The following BACH2 variants were observed in gnomAD, a reference collection of about 807,000 sequenced individuals.
BACH2 encodes the protein BACH transcriptional regulator 2.
In BACH2, 5 loss-of-function variants were observed where a neutral mutation model predicts 61.8. That is an observed-to-expected ratio of 0.08 (90% CI 0.04 to 0.17). The LOEUF (loss-of-function observed/expected upper bound fraction) is 0.17, where lower values mean the gene tolerates loss of function less well. Among genes scored for constraint, BACH2 ranks in the 10% least tolerant of loss-of-function variants. The pLI is 1.00. For synonymous variants in BACH2, 446 were observed against 440.1 expected, an observed-to-expected ratio of 1.01 and a Z score of -0.17; for missense variants, 824 against 1,091.1, an observed-to-expected ratio of 0.76 and a Z score of 3.45.
chr6:89,932,615 G>A lies in BACH2; in HGVS notation c.2319C>T (p.Gly773=), dbSNP rs150771521. 2.7e-5 allele frequency: 43 copies of A among 1,613,694 alleles called. No individual in the cohort carries two copies. Among genetic ancestry groups the A allele is most frequent in the Admixed American group, 2.0e-4 (12 of 59,980 alleles). Reference sequence around the variant, plus strand: ...CCCAGGGGGGTCCGGGGGGAGCCGCGCCTGGCTCCAAGCAGCAGGGCACGT... The same window carrying A: ...CCCAGGGGGGTCCGGGGGGAGCCGCACCTGGCTCCAAGCAGCAGGGCACGT... ...GENVPCCLEP[G]AAPPGPPWAP... The change falls in exon 9 of 9, where the codon GGC becomes GGT. Residue 773 remains glycine, a synonymous_variant. Coordinates refer to ENST00000257749, the MANE Select transcript of BACH2 (RefSeq NM_021813.4).
chr6:90,033,856 G>C (rs1562387143), intron 5 of BACH2, among the ~76,000 whole-genome samples: 1 of 152,106 alleles, frequency 6.6e-6, no homozygotes, highest in African/African-American at 2.4e-5. Context: ...AGACATGCTT[G>C]GATTCAGAGC....
chr6:90,169,026 T>A (rs936688749), intron 4 of BACH2, among the ~76,000 whole-genome samples: 1 of 152,220 alleles, frequency 6.6e-6, no homozygotes, highest in Admixed American at 6.5e-5. Context: ...GATGTTTCCC[T>A]TAATGATGGA....
chr6:90,044,753 G>C (rs555827764), intron 5 of BACH2, among the ~76,000 whole-genome samples: 1 of 152,300 alleles, frequency 6.6e-6, no homozygotes, highest in African/African-American at 2.4e-5. Flanking sequence ...TGAGAGAACG[G>C]AAAGAGTTAA....
intron 4 of BACH2, among the ~76,000 whole-genome samples, chr6:90,125,938 C>T (rs1277687925): frequency 6.6e-6 from 1 of 152,200 alleles, no homozygotes; most frequent in Non-Finnish European, 1.5e-5. Context: ...ATCAGTCATC[C>T]TCATTTGCTG....
At chr6:90,049,408 A>G (rs1398180521) in intron 5 of BACH2, among the ~76,000 whole-genome samples, 1 of 152,212 alleles carries the variant, frequency 6.6e-6, no homozygotes, top group Non-Finnish European at 1.5e-5. Flanking sequence ...TGAGATCTCA[A>G]TGACGCGAAG....
intron 3 of BACH2, among the ~76,000 whole-genome samples, chr6:90,211,967 T>C (rs576940413): frequency 5.9e-5 from 9 of 152,194 alleles, no homozygotes; most frequent in Non-Finnish European, 1.2e-4. Context: ...TGAGGGCCTA[T>C]GCCAGGCCCA....
chr6:90,187,156 G>A (rs565030492), intron 4 of BACH2, among the ~76,000 whole-genome samples: 1 of 152,326 alleles, frequency 6.6e-6, no homozygotes, highest in Admixed American at 6.5e-5. Flanking sequence ...TGAGAACACG[G>A]CAATACTGAG....
At chr6:90,011,957 TG>T (rs1430589849) in intron 5 of BACH2, among the ~76,000 whole-genome samples, 1 of 149,298 alleles carries the variant, frequency 6.7e-6, no homozygotes, top group African/African-American at 2.5e-5. Context: ...TGTGTGTGTG[TG>T]TGTGTGTGTG....
chr6:90,156,913 C>T (rs1486144582), intron 4 of BACH2, among the ~76,000 whole-genome samples: 1 of 152,208 alleles, frequency 6.6e-6, no homozygotes, highest in Non-Finnish European at 1.5e-5. Context: ...AAGAACTGTG[C>T]AGCATCCAGA....
chr6:90,239,397 T>A (rs560403290), intron 3 of BACH2, among the ~76,000 whole-genome samples: 1 of 152,200 alleles, frequency 6.6e-6, no homozygotes, highest in Non-Finnish European at 1.5e-5. Context: ...ATGAACTTTC[T>A]GTTTGAAGGT....
intron 5 of BACH2, among the ~76,000 whole-genome samples, chr6:90,034,062 C>A (rs1046803719): frequency 1.3e-5 from 2 of 152,062 alleles, no homozygotes; most frequent in African/African-American, 4.8e-5. Context: ...TTGTGCTACA[C>A]CCTGGGTTAC....
At chr6:89,939,661 T>G (rs996573230) in intron 7 of BACH2, among the ~76,000 whole-genome samples, 1 of 40,136 alleles carries the variant, frequency 2.5e-5, no homozygotes, top group Admixed American at 2.5e-4. Flanking sequence ...TATTTCTTTT[T>G]TTTTTTTTTT....
At chr6:90,037,406 A>G (rs1779314149) in intron 5 of BACH2, among the ~76,000 whole-genome samples, 1 of 152,266 alleles carries the variant, frequency 6.6e-6, no homozygotes, top group East Asian at 1.9e-4. Context: ...CTATAAAATC[A>G]TGAAGGAGGC....
intron 5 of BACH2, among the ~76,000 whole-genome samples, chr6:90,059,258 G>C (rs1202796753): frequency 6.6e-6 from 1 of 152,220 alleles, no homozygotes; most frequent in African/African-American, 2.4e-5. Context: ...AATCTACAAT[G>C]AACTCCAACA....
At chr6:90,168,497 A>G (rs1263032368) in intron 4 of BACH2, among the ~76,000 whole-genome samples, 1 of 152,226 alleles carries the variant, frequency 6.6e-6, no homozygotes, top group Non-Finnish European at 1.5e-5. Flanking sequence ...GTTAACCCAA[A>G]GAAAACAATA....
At chr6:90,253,210 C>T (rs1295392038) in intron 2 of BACH2, among the ~76,000 whole-genome samples, 10 of 151,982 alleles carry the variant, frequency 6.6e-5, no homozygotes, top group African/African-American at 2.4e-5. Context: ...CGCCATTGTA[C>T]TCCAACCTGG....
chr6:89,971,786 T>A (rs555077088), intron 6 of BACH2, among the ~76,000 whole-genome samples: 3 of 152,104 alleles, frequency 2.0e-5, no homozygotes, highest in African/African-American at 7.2e-5. Flanking sequence ...TCAGATCTCA[T>A]GAGACTTATT....
intron 3 of BACH2, among the ~76,000 whole-genome samples, chr6:90,235,278 C>G (rs1396208990): frequency 1.3e-5 from 2 of 152,140 alleles, no homozygotes; most frequent in Non-Finnish European, 2.9e-5. Flanking sequence ...GGTTCAAATT[C>G]CAGCACCCCT....
intron 5 of BACH2, among the ~76,000 whole-genome samples, chr6:90,057,577 C>T (rs1015916419): frequency 6.6e-6 from 1 of 152,210 alleles, no homozygotes; most frequent in Non-Finnish European, 1.5e-5. Context: ...CCTTCTGAAA[C>T]TATTCCAATC....
Sources: allele counts gnomAD v4.1 joint callset (sites outside exome capture counted in the v4.1 genomes callset), GRCh38; gene constraint gnomAD v4.1.1; transcripts MANE v1.5; gene names NCBI Gene and HGNC (gene_info 2026-07-23, HGNC 2026-07-21).